DAB2IP: variants seen among roughly 807,000 people sequenced by gnomAD.
The protein encoded by DAB2IP is DAB2 interacting protein, also known as disabled homolog 2-interacting protein.
DAB2IP carries 28 observed loss-of-function variants against 107.2 expected under a neutral mutation model. The observed-to-expected ratio is 0.26, with a 90% CI of 0.19 to 0.36. The LOEUF (loss-of-function observed/expected upper bound fraction) is 0.36. Ranked by LOEUF, DAB2IP falls within the 10% of genes least tolerant of loss-of-function variation. The pLI is 1.00. For missense variants in DAB2IP, 1,400 were observed against 1,644.7 expected, an observed-to-expected ratio of 0.85 and a Z score of 2.57; for synonymous variants, 755 against 706.4, an observed-to-expected ratio of 1.07 and a Z score of -1.09.
In DAB2IP at chr9:121,776,015, G is replaced by A. The variant is rs555486580; in HGVS notation, c.3121-183G>A. Among the ~76,000 whole-genome samples the A allele has an allele frequency of 4.9e-4, 74 of 152,258 alleles. No homozygotes were observed. The highest frequency in any genetic ancestry group is 1.4e-3 in the African/African-American group (60 of 41,558). On this transcript the variant is annotated intron_variant, in intron 13 of 15. Coordinates refer to ENST00000408936, the Ensembl canonical transcript of DAB2IP. The surrounding 1 kb of genome is among the most constrained non-coding windows in gnomAD (Gnocchi z 5.4). ...GCCCCACGGTGGGGCACAGGCACGC[G>A]TCTGGCTGCAGCCCCCACCAGCTGG...
intron 13 of DAB2IP, among the ~76,000 whole-genome samples, chr9:121,775,474 T>C (rs1395361486): frequency 1.3e-5 from 2 of 152,190 alleles, no homozygotes; most frequent in Non-Finnish European, 2.9e-5. Flanking sequence ...CACTCCAGGC[T>C]TTTTGCATCC....
chr9:121,641,608 C>T (rs894982017), intron 1 of DAB2IP, among the ~76,000 whole-genome samples: 8 of 152,192 alleles, frequency 5.3e-5, no homozygotes, highest in African/African-American at 1.4e-4. Flanking sequence ...ATTCATTCAC[C>T]GAGTGCAATC....
chr9:121,647,384 C>G (rs143434395), upstream of DAB2IP, among the ~76,000 whole-genome samples: 916 of 152,130 alleles, frequency 6.0e-3, 6 homozygotes, highest in Non-Finnish European at 9.7e-3. Flanking sequence ...TTTTTTTTCT[C>G]TCTTTTCTCA....
At chr9:121,777,968 G>T (rs908512178) in intron 14 of DAB2IP, among the ~76,000 whole-genome samples, 1 of 152,174 alleles carries the variant, frequency 6.6e-6, no homozygotes, top group Non-Finnish European at 1.5e-5. Context: ...TGTTGGTATG[G>T]TATAGCTTTT....
chr9:121,608,080 A>G (rs1830944859), intron 1 of DAB2IP, among the ~76,000 whole-genome samples: 1 of 152,198 alleles, frequency 6.6e-6, no homozygotes, highest in Non-Finnish European at 1.5e-5. Flanking sequence ...AGGGTGTGTG[A>G]GAGATTTGTT....
rs368133013 is a variant in DAB2IP at position 121,621,608 on chromosome 9, A to G, written c.40+54380A>G. On this transcript the variant is annotated intron_variant, in intron 1 of 16. Transcript: ENST00000259371. Reference sequence around the variant, plus strand: ...CCAGTCCCCTGTCTCCCATCAGAATATCATGGCTGTTTGTATTTCTTTTTT... The same window carrying G: ...CCAGTCCCCTGTCTCCCATCAGAATGTCATGGCTGTTTGTATTTCTTTTTT... 7.6e-4 allele frequency among the ~76,000 whole-genome samples: 114 copies of G among 149,598 alleles called. 1 individual carries two copies. Among genetic ancestry groups the G allele is most frequent in the African/African-American group, 2.7e-3 (109 of 40,628 alleles).
chr9:121,703,289 C>G (rs540507158), intron 3 of DAB2IP, among the ~76,000 whole-genome samples: 1 of 152,136 alleles, frequency 6.6e-6, no homozygotes, highest in Admixed American at 6.5e-5. Context: ...GGTCTATTTT[C>G]CTGCTTTAGT....
Position 121,760,320 on chromosome 9 carries a change from C to A in DAB2IP, c.1051C>A (p.His351Asn). ...GGAGATGTACAAAGAGTTCGCTGAGCACATCACCAACCACTACCTGGGGCT... is the reference window on the plus strand; with the variant it reads ...GGAGATGTACAAAGAGTTCGCTGAGAACATCACCAACCACTACCTGGGGCT... The change falls in exon 6 of 16, where the codon CAC (histidine) becomes AAC (asparagine). Residue 351 changes from histidine to asparagine, a missense_variant. Around this residue, in one of 3 missense-constraint regions of DAB2IP, gnomAD observed 517 missense variants for 748.6 expected, o/e 0.69. Coordinates refer to ENST00000408936, the Ensembl canonical transcript of DAB2IP. This position sits in a 1 kb window ranked among gnomAD's most constrained non-coding sequence, Gnocchi z 5.9. 1.2e-6 allele frequency: 2 copies of A among 1,613,658 alleles called. No homozygotes were observed. Among genetic ancestry groups the A allele is most frequent in the Non-Finnish European group, 1.7e-6 (2 of 1,180,034 alleles).
intron 3 of DAB2IP, among the ~76,000 whole-genome samples, chr9:121,741,030 G>A (rs1188638153): frequency 6.6e-6 from 1 of 152,102 alleles, no homozygotes; most frequent in African/African-American, 2.4e-5. Context: ...AGGCACCCAG[G>A]TCTCCTACTA....
intron 3 of DAB2IP, among the ~76,000 whole-genome samples, chr9:121,737,906 A>ATCAC (rs2118881508): frequency 6.6e-6 from 1 of 152,240 alleles, no homozygotes; most frequent in South Asian, 2.1e-4. Context: ...GTGCTGTGAA[A>ATCAC]GTGCAAGGCT....
Position 121,678,794 on chromosome 9 carries a change from G to C in DAB2IP, c.228+13G>C, listed in dbSNP as rs753757463. 1 of 1,557,076 alleles carries C rather than the reference G, an allele frequency of 6.4e-7. No homozygotes were observed. Among genetic ancestry groups the C allele is most frequent in the African/African-American group, 1.4e-5 (1 of 73,210 alleles). On this transcript the variant is annotated intron_variant, in intron 2 of 15. Coordinates refer to ENST00000408936, the Ensembl canonical transcript of DAB2IP. The stretch of plus-strand genomic sequence containing the variant: ...GTTCCGGGTCACGGTAACTATCTCT[G>C]CGTCACCAACACCGCCACTGCCACC...
intron 14 of DAB2IP, 28 bp from the exon 15 acceptor site, chr9:121,781,436 G>T (rs766458344): frequency 6.2e-7 from 1 of 1,613,038 alleles, no homozygotes; most frequent in Non-Finnish European, 8.5e-7. Flanking sequence ...TCCAGGGCCA[G>T]TCTGACTGTC....
chr9:121,662,561 CAG>C lies in DAB2IP; in HGVS notation c.124+10666_124+10667del, dbSNP rs1833253600. Among the ~76,000 whole-genome samples the C allele has an allele frequency of 6.6e-6, 1 of 152,170 alleles. No individual in the cohort carries two copies. The highest frequency in any genetic ancestry group is 1.9e-4 in the East Asian group (1 of 5,198). ...CAATGGCAGAGTTGAATAGCTGAGACAGAGACCATATGGACTTGTAAGCCTGA... is the reference window on the plus strand; with the variant it reads ...CAATGGCAGAGTTGAATAGCTGAGACAGACCATATGGACTTGTAAGCCTGA... On this transcript the variant is annotated intron_variant, in intron 1 of 15. Transcript: ENST00000408936. The surrounding 1 kb of genome is among the most constrained non-coding windows in gnomAD (Gnocchi z 4.6).
chr9:121,689,516 C>T (rs1300157899), intron 2 of DAB2IP, among the ~76,000 whole-genome samples: 1 of 152,010 alleles, frequency 6.6e-6, no homozygotes, highest in African/African-American at 2.4e-5. Flanking sequence ...CCACCCCTCC[C>T]TCCCACTAGT....
At chr9:121,768,410 C>T (rs1282647509) in intron 9 of DAB2IP, 22 bp from the exon 10 acceptor site, 1 of 1,613,394 alleles carries the variant, frequency 6.2e-7, no homozygotes, top group African/African-American at 1.3e-5. Context: ...CAGTAGTGCT[C>T]ACCCAACTGC....
At chr9:121,742,335 A>G (rs1349979218) in intron 3 of DAB2IP, among the ~76,000 whole-genome samples, 1 of 152,238 alleles carries the variant, frequency 6.6e-6, no homozygotes, top group African/African-American at 2.4e-5. Context: ...AGGCTGAGGC[A>G]AGACAATCAC....
intron 1 of DAB2IP, among the ~76,000 whole-genome samples, chr9:121,583,780 G>A (rs1286662266): frequency 6.6e-6 from 1 of 152,214 alleles, no homozygotes; most frequent in Non-Finnish European, 1.5e-5. Context: ...CTAGGCCAGT[G>A]GTTTTCCCGT....
At chr9:121,669,797 T>C (rs1463669880) in intron 1 of DAB2IP, among the ~76,000 whole-genome samples, 5 of 152,226 alleles carry the variant, frequency 3.3e-5, no homozygotes, top group Admixed American at 6.5e-5. Flanking sequence ...CACTTCATCA[T>C]GGCCTCAGAG....
upstream of DAB2IP, chr9:121,651,555 C>T (rs1035160093): frequency 5.8e-6 from 4 of 686,468 alleles, no homozygotes; most frequent in Non-Finnish European, 7.3e-6. This position sits in a 1 kb window ranked among gnomAD's most constrained non-coding sequence, Gnocchi z 5.1. Context: ...CCAGCCCGGC[C>T]TCCGGGTCCC....
Sources: allele counts gnomAD v4.1 joint callset (sites outside exome capture counted in the v4.1 genomes callset), GRCh38; gene constraint gnomAD v4.1.1; regional missense constraint gnomAD v4.1.1; non-coding constraint Gnocchi (gnomAD v3.1); transcripts MANE v1.5; gene names NCBI Gene and HGNC (gene_info 2026-07-23, HGNC 2026-07-21).